ERAP1: variants seen among roughly 807,000 people sequenced by gnomAD.
ERAP1 encodes the protein adipocyte-derived leucine aminopeptidase.
In ERAP1, 86 loss-of-function variants were observed where a neutral mutation model predicts 103.7. The observed-to-expected ratio is 0.83, with a 90% CI of 0.70 to 0.99. The LOEUF (loss-of-function observed/expected upper bound fraction) is 0.99. Among genes scored for constraint, ERAP1 ranks in the 50% least tolerant of loss-of-function variants. The pLI is 0.00. For missense variants in ERAP1, 1,009 were observed against 1,128.4 expected (o/e 0.89, Z 1.52); for synonymous variants, 398 against 402.4 (o/e 0.99, Z 0.13).
chr5:96,788,759 T>C, intron 10 of ERAP1, 74 bp from the exon 11 acceptor site: 1 of 1,564,272 alleles, frequency 6.4e-7, no homozygotes, highest in Non-Finnish European at 8.7e-7. Flanking sequence ...CACCAGCTTA[T>C]GCTCAAACAG....
the ERAP1 span, among the ~76,000 whole-genome samples, chr5:96,896,015 A>C: frequency 1.3e-5 from 2 of 152,304 alleles, no homozygotes; most frequent in African/African-American, 4.8e-5. Context: ...TAAAATGCAT[A>C]TACCATATCT....
the ERAP1 span, chr5:96,912,825 T>C: frequency 1.3e-6 from 2 of 1,567,698 alleles, no homozygotes; most frequent in Non-Finnish European, 1.7e-6. Context: ...AACTAAATTG[T>C]TATAAGTAAA....
At chr5:96,845,861 G>A in the ERAP1 span, among the ~76,000 whole-genome samples, 2 of 152,070 alleles carry the variant, frequency 1.3e-5, no homozygotes, top group African/African-American at 4.8e-5. Flanking sequence ...AGAAAAGAAG[G>A]AGAGAAATTA....
rs1469737931 is a variant in ERAP1 at position 96,783,848 on chromosome 5, CACACACAT to C, written c.2100+68_2100+75del. On this transcript the variant is annotated intron_variant, in intron 14 of 18. Transcript: ENST00000443439. ...ACACACACACACACACACACACACACACACACATACACACACAATGATTAACACTTTTT... is the reference window on the plus strand; with the variant it reads ...ACACACACACACACACACACACACACACACACACAATGATTAACACTTTTT... 231 of 394,822 alleles carry C rather than the reference CACACACAT, an allele frequency of 5.9e-4. 16 individuals are homozygous for C. The African/African-American group carries it at 6.0e-3, about 10-fold the overall frequency. The allele number at this position is 394,822 out of a possible 1,614,324, so 24.5% of individuals were successfully genotyped here. A position where few individuals can be genotyped will look rare whatever the true frequency, so the allele number is the denominator to read the frequency against.
intron 19 of ERAP1, chr5:96,769,004 C>T (rs1273960672): frequency 1.3e-5 from 2 of 152,184 alleles, no homozygotes; most frequent in African/African-American, 2.4e-5. Context: ...GTGCTCAAAA[C>T]GTGATTAAAA....
intron 15 of ERAP1, among the ~76,000 whole-genome samples, chr5:96,782,260 C>T (rs574739919): frequency 3.3e-5 from 5 of 152,210 alleles, no homozygotes. Flanking sequence ...CCACCCACCT[C>T]AGCCTCCCAA....
chr5:96,827,215 A>G, the ERAP1 span, among the ~76,000 whole-genome samples: 18 of 152,216 alleles, frequency 1.2e-4, no homozygotes, highest in African/African-American at 4.3e-4. Flanking sequence ...TCAGTGTTGG[A>G]TGAAATTGCA....
intron 19 of ERAP1, among the ~76,000 whole-genome samples, chr5:96,763,441 C>T (rs1277425977): frequency 6.6e-6 from 1 of 152,170 alleles, no homozygotes; most frequent in Non-Finnish European, 1.5e-5. Context: ...TCATTAATAG[C>T]CTAGGCTGCC....
chr5:96,802,526 ATAAAT>A (rs1778121824), intron 2 of ERAP1, among the ~76,000 whole-genome samples: 1 of 152,246 alleles, frequency 6.6e-6, no homozygotes, highest in African/African-American at 2.4e-5. Flanking sequence ...AATTTGAAAA[ATAAAT>A]TAGTATAATC....
intron 14 of ERAP1, 45 bp from the exon 15 acceptor site, chr5:96,783,280 T>A: frequency 6.4e-7 from 1 of 1,551,970 alleles, no homozygotes; most frequent in African/African-American, 1.4e-5. Flanking sequence ...TTGTCACAGG[T>A]CATTTCATGT....
chr5:96,795,048 T>G lies in ERAP1; in HGVS notation c.913A>C (p.Lys305Gln), dbSNP rs1221864116. 6 of 1,614,006 alleles carry G rather than the reference T, an allele frequency of 3.7e-6. No homozygotes were observed. The highest frequency in any genetic ancestry group is 5.1e-6 in the Non-Finnish European group (6 of 1,179,946). Residue 305 changes from lysine to glutamine, a missense_variant, in exon 5 of 19, where the codon AAA (lysine) becomes CAA (glutamine). Lys to Gln is a moderately conservative substitution (Grantham distance 53, BLOSUM62 1). Around this residue, in one of 3 missense-constraint regions of ERAP1, gnomAD observed 392 missense variants for 455.2 expected, o/e 0.86. Transcript: ENST00000443439. Reference protein sequence around the residue: ...DYFSIPYPLPKQDLAAIPDFQ... With the variant: ...DYFSIPYPLPQQDLAAIPDFQ... ...ATCTGTGCAAAATCTCTACCTTGTT[T>G]GGGTAGGGGATACGGTATGCTGAAA...
the ERAP1 span, among the ~76,000 whole-genome samples, chr5:96,830,161 G>A: frequency 6.6e-5 from 10 of 152,338 alleles, no homozygotes; most frequent in East Asian, 1.9e-3. Context: ...CATCCCAGCT[G>A]TAAGGATAAA....
upstream of ERAP1, among the ~76,000 whole-genome samples, chr5:96,809,638 GT>G (rs997921397): frequency 6.6e-6 from 1 of 152,028 alleles, no homozygotes; most frequent in African/African-American, 2.4e-5. Context: ...ATCCAGGGAA[GT>G]TTTTTTCACT....
intron 5 of ERAP1, 127 bp from the exon 6 acceptor site, chr5:96,794,084 A>C: frequency 2.2e-6 from 2 of 896,720 alleles, no homozygotes; most frequent in Non-Finnish European, 3.6e-6. Context: ...CTAGACTGGA[A>C]GAACCTTTCA....
intron 4 of ERAP1, among the ~76,000 whole-genome samples, chr5:96,796,219 A>C (rs1777328800): frequency 6.6e-6 from 1 of 152,180 alleles, no homozygotes; most frequent in Non-Finnish European, 1.5e-5. Flanking sequence ...CTCAGTGAAA[A>C]CCAGCACAAA....
rs765815258 is a variant in ERAP1 at position 96,803,879 on chromosome 5, T to C, written c.48A>G (p.Leu16=). ...LKWSLATMSF[L]LSSLLALLTV... Reference sequence around the variant, plus strand: ...TTAAGAGAGCCAACAGTGAGGAAAGTAGAAATGACATGGTTGCAAGGGACC... The same window carrying C: ...TTAAGAGAGCCAACAGTGAGGAAAGCAGAAATGACATGGTTGCAAGGGACC... Residue 16 remains leucine (L), a synonymous_variant, in exon 2 of 19, where the codon CTA becomes CTG. Transcript: ENST00000443439. 1.9e-6 allele frequency: 3 copies of C among 1,612,618 alleles called. No homozygotes were observed. The highest frequency in any genetic ancestry group is 2.2e-5 in the East Asian group (1 of 44,888).
chr5:96,783,780 TAATA>T, intron 14 of ERAP1, 140 bp downstream of exon 14: 1 of 855,198 alleles, frequency 1.2e-6, no homozygotes, highest in Non-Finnish European at 1.8e-6. Context: ...AATACTGAAC[TAATA>T]TTTATTTGCT....
the ERAP1 span, chr5:96,896,879 G>T: frequency 1.3e-6 from 2 of 1,556,686 alleles, no homozygotes; most frequent in Non-Finnish European, 8.6e-7. Flanking sequence ...TCATATGTTG[G>T]GTAACGATAG....
chr5:96,851,944 G>A, the ERAP1 span, among the ~76,000 whole-genome samples: 21 of 152,144 alleles, frequency 1.4e-4, no homozygotes, highest in Admixed American at 6.6e-4. Context: ...TAGACATGGT[G>A]GTGTGGAAAA....
Sources: gnomAD v4.1 joint callset for allele counts (sites outside exome capture counted in the v4.1 genomes callset) on GRCh38, gnomAD v4.1.1 for gene constraint, gnomAD v4.1.1 regional missense constraint, MANE v1.5 for transcripts, NCBI Gene and HGNC (gene_info 2026-07-23, HGNC 2026-07-21) for gene names.